FOXP2: variants seen among roughly 807,000 people sequenced by gnomAD.
FOXP2 encodes forkhead box P2.
In FOXP2, 12 loss-of-function variants were observed where a neutral mutation model predicts 115.8. The ratio of observed to expected loss-of-function variants is 0.10; its 90% CI spans 0.07 to 0.17. FOXP2 has a LOEUF of 0.17. FOXP2 is among the 10% of genes least tolerant of loss of function. The pLI, the probability that FOXP2 is intolerant of heterozygous loss-of-function variation, is 1.00. For synonymous variants in FOXP2, 328 were observed against 297.7 expected, an observed-to-expected ratio of 1.10 and a Z score of -1.05; for missense variants, 629 against 843.5, an observed-to-expected ratio of 0.75 and a Z score of 3.15.
At chr7:114,394,952 G>T (rs780196896) in intron 2 of FOXP2, among the ~76,000 whole-genome samples, 41 of 152,152 alleles carry the variant, frequency 2.7e-4, no homozygotes, top group Admixed American at 5.9e-4. Flanking sequence ...TGTGAATAAT[G>T]TATCATTTTC....
chr7:114,452,658 T>A (rs1470229081), intron 2 of FOXP2, among the ~76,000 whole-genome samples: 5 of 152,058 alleles, frequency 3.3e-5, no homozygotes, highest in Non-Finnish European at 7.4e-5. Context: ...GCATTTCGCC[T>A]CTCTCAAATT....
intron 2 of FOXP2, among the ~76,000 whole-genome samples, chr7:114,460,948 C>T (rs1584763685): frequency 6.6e-6 from 1 of 152,164 alleles, no homozygotes; most frequent in Non-Finnish European, 1.5e-5. Flanking sequence ...ACCATCCCTC[C>T]TTCCTTGAGA....
chr7:114,380,637 C>T (rs917472776), intron 2 of FOXP2, among the ~76,000 whole-genome samples: 2 of 152,168 alleles, frequency 1.3e-5, no homozygotes, highest in African/African-American at 4.8e-5. Context: ...AGTGTGCAGT[C>T]GCAGCACTGG....
chr7:114,663,304 T>C (rs921752935), intron 14 of FOXP2, 146 bp from the exon 15 acceptor site: 5 of 623,630 alleles, frequency 8.0e-6, no homozygotes, highest in African/African-American at 7.4e-5. Flanking sequence ...ATTTGAACTC[T>C]ATTACCTTAT....
Position 114,280,126 on chromosome 7 carries a change from A to G in FOXP2, c.-101-7893A>G, listed in dbSNP as rs957019409. Reference sequence around the variant, plus strand: ...TAAATAAATAAATAAATAAATAAAAACAGGTGGTTTTTGAAGAAATTCTTT... The same window carrying G: ...TAAATAAATAAATAAATAAATAAAAGCAGGTGGTTTTTGAAGAAATTCTTT... On this transcript the variant is annotated intron_variant, in intron 1 of 17. Coordinates refer to the FOXP2 transcript ENST00000634411. 8.0e-5 allele frequency among the ~76,000 whole-genome samples: 12 copies of G among 150,766 alleles called. No homozygotes were observed. In the East Asian group the frequency reaches 2.3e-3, roughly 29 times the overall value.
chr7:114,370,464 T>C (rs1791977319), intron 2 of FOXP2, among the ~76,000 whole-genome samples: 1 of 152,250 alleles, frequency 6.6e-6, no homozygotes, highest in Non-Finnish European at 1.5e-5. Context: ...CTCGTTTATG[T>C]AATTGATGTC....
intron 16 of FOXP2, among the ~76,000 whole-genome samples, chr7:114,686,197 G>T (rs1161581736): frequency 6.7e-6 from 1 of 149,886 alleles, no homozygotes; most frequent in Non-Finnish European, 1.5e-5. Flanking sequence ...TTTTGAGATG[G>T]AGTCTCACTC....
At chr7:114,422,025 T>A (rs1446931274) in intron 1 of FOXP2, among the ~76,000 whole-genome samples, 1 of 151,794 alleles carries the variant, frequency 6.6e-6, no homozygotes, top group Non-Finnish European at 1.5e-5. Flanking sequence ...AATATTTAAC[T>A]CTTTCTTGTG....
intron 3 of FOXP2, chr7:114,570,686 A>G (rs927448234): frequency 6.6e-6 from 5 of 754,470 alleles, no homozygotes; most frequent in Non-Finnish European, 1.2e-5. Context: ...ATTCTTCCCT[A>G]TTTTGACCTA....
chr7:114,645,156 AT>A (rs1805814142), intron 8 of FOXP2: 1 of 132,162 alleles, frequency 7.6e-6, no homozygotes, highest in Admixed American at 7.5e-5. Flanking sequence ...ATATATATAT[AT>A]ATATATATAT....
chr7:114,510,259 C>T (rs1202551902), intron 2 of FOXP2, among the ~76,000 whole-genome samples: 1 of 152,102 alleles, frequency 6.6e-6, no homozygotes, highest in Non-Finnish European at 1.5e-5. Context: ...CTGGTACAGA[C>T]AGAAGATTTT....
chr7:114,252,876 T>A (rs1795489801), intron 1 of FOXP2, among the ~76,000 whole-genome samples: 1 of 152,212 alleles, frequency 6.6e-6, no homozygotes. Flanking sequence ...TTCTTTTAAT[T>A]GTGATGTTAG....
chr7:114,180,416 T>G (rs1192833449), intron 1 of FOXP2, among the ~76,000 whole-genome samples: 1 of 151,978 alleles, frequency 6.6e-6, no homozygotes, highest in Non-Finnish European at 1.5e-5. Flanking sequence ...TGAGCTCACT[T>G]ACTCCCAAAG....
intron 8 of FOXP2, among the ~76,000 whole-genome samples, chr7:114,646,403 A>G (rs1356242940): frequency 1.3e-5 from 2 of 152,074 alleles, no homozygotes; most frequent in African/African-American, 4.8e-5. Context: ...TTATGTTTTT[A>G]TTACTGACAA....
chr7:114,197,274 A>G (rs1227379608), intron 1 of FOXP2, among the ~76,000 whole-genome samples: 3 of 152,234 alleles, frequency 2.0e-5, no homozygotes, highest in Non-Finnish European at 4.4e-5. Flanking sequence ...CTAGGCTGCT[A>G]TAACAAAATA....
At chr7:114,531,686 T>C (rs985028589) in intron 2 of FOXP2, among the ~76,000 whole-genome samples, 2 of 151,848 alleles carry the variant, frequency 1.3e-5, no homozygotes, top group African/African-American at 4.8e-5. Context: ...TTTCTAAGAG[T>C]TTGTATTAAA....
chr7:114,218,290 G>C (rs1794532803), intron 1 of FOXP2, among the ~76,000 whole-genome samples: 1 of 152,132 alleles, frequency 6.6e-6, no homozygotes. Flanking sequence ...AATACAAAAT[G>C]ACATCTCTCT....
At chr7:114,680,397 A>G (rs1429185393) in intron 16 of FOXP2, among the ~76,000 whole-genome samples, 1 of 152,196 alleles carries the variant, frequency 6.6e-6, no homozygotes, top group Admixed American at 6.5e-5. Context: ...CACTAAAACC[A>G]AAGTTGATGT....
chr7:114,676,176 G>A (rs893020590), intron 16 of FOXP2, among the ~76,000 whole-genome samples: 4 of 141,790 alleles, frequency 2.8e-5, no homozygotes, highest in East Asian at 4.6e-4. Flanking sequence ...TGATCCACCC[G>A]CCTCGGCCTC....
Sources: gnomAD v4.1 joint callset for allele counts (sites outside exome capture counted in the v4.1 genomes callset) on GRCh38, gnomAD v4.1.1 for gene constraint, MANE v1.5 for transcripts, NCBI Gene and HGNC (gene_info 2026-07-23, HGNC 2026-07-21) for gene names.